The following ERC2 variants were observed in gnomAD, a reference collection of about 807,000 sequenced individuals.
ERC2 encodes ERC protein 2.
In ERC2, 42 loss-of-function variants were observed where a neutral mutation model predicts 114.8. The ratio of observed to expected loss-of-function variants is 0.37; its 90% CI spans 0.29 to 0.47. ERC2 has a LOEUF of 0.47. Among genes scored for constraint, ERC2 ranks in the 20% least tolerant of loss-of-function variants. The probability of loss-of-function intolerance (pLI) is 0.99; values close to 1 mark genes in which losing one functional copy is unlikely to be tolerated. For missense variants in ERC2, 939 were observed against 1,150.7 expected (o/e 0.82, Z 2.66); for synonymous variants, 454 against 425.5 (o/e 1.07, Z -0.82).
At chr3:56,190,868 C>T (rs746008575) in intron 3 of ERC2, among the ~76,000 whole-genome samples, 10 of 152,184 alleles carry the variant, frequency 6.6e-5, no homozygotes, top group Non-Finnish European at 1.0e-4. Flanking sequence ...GTGACTGCAC[C>T]CAGCCAAGTG....
At chr3:55,649,830 G>A (rs1223821824) in intron 17 of ERC2, among the ~76,000 whole-genome samples, 1 of 152,186 alleles carries the variant, frequency 6.6e-6, no homozygotes, top group Non-Finnish European at 1.5e-5. Context: ...GTCATTCAAG[G>A]TGACTGCCTT....
At chr3:55,664,728 C>T (rs192130772) in intron 17 of ERC2, among the ~76,000 whole-genome samples, 4 of 152,150 alleles carry the variant, frequency 2.6e-5, no homozygotes, top group Admixed American at 6.5e-5. Flanking sequence ...GAGCTTCAGG[C>T]GAGGTTGTGG....
chr3:56,081,924 C>T (rs2077254430), intron 6 of ERC2, among the ~76,000 whole-genome samples: 1 of 152,168 alleles, frequency 6.6e-6, no homozygotes, highest in African/African-American at 2.4e-5. Context: ...CTAATCCAGT[C>T]TTAAAATGCA....
intron 15 of ERC2, among the ~76,000 whole-genome samples, chr3:55,722,853 C>T (rs530726510): frequency 6.6e-5 from 10 of 152,248 alleles, no homozygotes; most frequent in African/African-American, 1.4e-4. Flanking sequence ...AAATTTAACA[C>T]GAACAGTTGA....
intron 14 of ERC2, among the ~76,000 whole-genome samples, chr3:55,760,238 A>G (rs1314015147): frequency 6.6e-6 from 1 of 152,218 alleles, no homozygotes; most frequent in Admixed American, 6.5e-5. Context: ...TCAGAAACAC[A>G]TTCTGAAGCC....
intron 6 of ERC2, among the ~76,000 whole-genome samples, chr3:56,083,606 T>C (rs1308387955): frequency 1.3e-5 from 2 of 152,116 alleles, no homozygotes; most frequent in African/African-American, 2.4e-5. Flanking sequence ...TTAACAAATA[T>C]CTTACAACAA....
intron 2 of ERC2, among the ~76,000 whole-genome samples, chr3:56,340,548 G>GTGTGTGTC (rs1319564542): frequency 7.0e-6 from 1 of 142,646 alleles, no homozygotes; most frequent in Non-Finnish European, 1.6e-5. Flanking sequence ...GTGAATGTGT[G>GTGTGTGTC]TGTGTGTGTG....
In ERC2 at chr3:56,140,473, G is replaced by A. The variant is rs1355986949; in HGVS notation, c.1306-797C>T. On this transcript the variant is annotated intron_variant, in intron 5 of 17. Coordinates refer to ENST00000288221, the MANE Select transcript of ERC2 (RefSeq NM_015576.3). ...TTTTTCCTACTCAATCTTATGTCCT[G>A]AAGATTAAATCACAATGTTGTACAT... is the stretch of plus-strand genomic sequence containing the variant. 1.3e-5 allele frequency among the ~76,000 whole-genome samples: 2 copies of A among 151,886 alleles called. 1 individual carries two copies. Among genetic ancestry groups the A allele is most frequent in the Admixed American group, 1.3e-4 (2 of 15,234 alleles).
chr3:55,743,636 C>T (rs1311352186), intron 14 of ERC2, among the ~76,000 whole-genome samples: 1 of 141,006 alleles, frequency 7.1e-6, no homozygotes, highest in African/African-American at 2.6e-5. Context: ...AAAGAAAATA[C>T]TTCTTTTGAG....
intron 2 of ERC2, among the ~76,000 whole-genome samples, chr3:56,334,226 T>C (rs1271585261): frequency 1.3e-5 from 2 of 152,190 alleles, no homozygotes; most frequent in Non-Finnish European, 2.9e-5. Flanking sequence ...GGCCACCTCC[T>C]CAGCCAAATC....
chr3:55,880,014 C>T (rs2063045436), intron 14 of ERC2, among the ~76,000 whole-genome samples: 1 of 152,202 alleles, frequency 6.6e-6, no homozygotes, highest in African/African-American at 2.4e-5. Context: ...AGTGCTTGCA[C>T]ATAGCAGATG....
intron 2 of ERC2, among the ~76,000 whole-genome samples, chr3:56,348,342 T>C (rs1046603024): frequency 2.6e-5 from 4 of 151,870 alleles, no homozygotes; most frequent in African/African-American, 9.7e-5. Flanking sequence ...AACACCATCA[T>C]ATCTTGATTG....
At chr3:56,059,920 A>G (rs1330310109) in intron 7 of ERC2, among the ~76,000 whole-genome samples, 1 of 152,160 alleles carries the variant, frequency 6.6e-6, no homozygotes, top group African/African-American at 2.4e-5. Flanking sequence ...GCACTTGGGA[A>G]AAAGCCAGCT....
intron 12 of ERC2, among the ~76,000 whole-genome samples, chr3:55,950,889 G>C (rs1020876306): frequency 1.3e-5 from 2 of 152,332 alleles, no homozygotes; most frequent in East Asian, 1.9e-4. Flanking sequence ...ATAGCATGCT[G>C]TGAGAGACAG....
chr3:56,228,210 A>G (rs367996991), intron 3 of ERC2, among the ~76,000 whole-genome samples: 17 of 152,340 alleles, frequency 1.1e-4, no homozygotes, highest in African/African-American at 4.1e-4. Flanking sequence ...GTGGTAAAAT[A>G]TACATAATAT....
rs551398509 is a variant in ERC2 at position 55,738,248 on chromosome 3, T to C, written c.2565-3330A>G. On this transcript the variant is annotated intron_variant, in intron 14 of 17. Coordinates refer to ENST00000288221, the MANE Select transcript of ERC2 (RefSeq NM_015576.3). ...ATGTATATATATCCAAGATAATCCCTAAAACATAAAGCTATACTCATAGGA... is the reference window on the plus strand; with the variant it reads ...ATGTATATATATCCAAGATAATCCCCAAAACATAAAGCTATACTCATAGGA... Among the ~76,000 whole-genome samples the C allele has an allele frequency of 5.3e-5, 8 of 152,146 alleles. No individual in the cohort carries two copies. The South Asian group carries it at 1.7e-3, about 32-fold the overall frequency.
chr3:56,226,567 C>A (rs1186745216), intron 3 of ERC2, among the ~76,000 whole-genome samples: 3 of 152,028 alleles, frequency 2.0e-5, no homozygotes, highest in Admixed American at 6.6e-5. Flanking sequence ...CTGTCTCTCT[C>A]TCTATATATA....
intron 7 of ERC2, among the ~76,000 whole-genome samples, chr3:56,032,967 A>G (rs1560057080): frequency 9.7e-6 from 1 of 103,468 alleles, no homozygotes; most frequent in African/African-American, 3.5e-5. Flanking sequence ...AACAGAAAGA[A>G]AGAAAGAAAG....
intron 17 of ERC2, among the ~76,000 whole-genome samples, chr3:55,581,727 T>G (rs539228550): frequency 2.0e-5 from 3 of 152,272 alleles, no homozygotes; most frequent in Admixed American, 6.5e-5. Flanking sequence ...GGTCCAGAGC[T>G]TCTCAGAAAT....
Sources: gnomAD v4.1 joint callset for allele counts (sites outside exome capture counted in the v4.1 genomes callset) on GRCh38, gnomAD v4.1.1 for gene constraint, MANE v1.5 for transcripts, NCBI Gene and HGNC (gene_info 2026-07-23, HGNC 2026-07-21) for gene names.